Variants in ZNF516 observed in about 807,000 individuals in gnomAD.
ZNF516 encodes zinc finger protein 516.
In ZNF516, 19 loss-of-function variants were observed where a neutral mutation model predicts 79.7. The observed-to-expected ratio is 0.24, with a 90% CI of 0.17 to 0.35. The LOEUF is 0.35. ZNF516 is among the 10% of genes least tolerant of loss of function. The probability of loss-of-function intolerance (pLI) is 1.00; values close to 1 mark genes in which losing one functional copy is unlikely to be tolerated. For missense variants in ZNF516, 1,678 were observed against 1,679.5 expected, an observed-to-expected ratio of 1.00 and a Z score of 0.02; for synonymous variants, 877 against 739.5, an observed-to-expected ratio of 1.19 and a Z score of -3.02.
chr18:76,476,951 T>C (rs1914209360), intron 1 of ZNF516, among the ~76,000 whole-genome samples: 2 of 152,128 alleles, frequency 1.3e-5, no homozygotes, highest in Non-Finnish European at 2.9e-5. Flanking sequence ...TCAGGTGGAT[T>C]TGCAAAACTC....
intron 1 of ZNF516, among the ~76,000 whole-genome samples, chr18:76,482,617 T>C (rs1407490241): frequency 1.3e-5 from 2 of 152,244 alleles, no homozygotes; most frequent in Non-Finnish European, 2.9e-5. Context: ...ATTAAACGCA[T>C]TTCCGACTTA....
At position 76,379,367 on chromosome 18, in the gene ZNF516, G is replaced by A. The variant is rs370768872; in HGVS notation, c.2747C>T (p.Pro916Leu). 35 of 1,596,422 alleles carry A rather than the reference G, an allele frequency of 2.2e-5. No individual in the cohort carries two copies. Among genetic ancestry groups the A allele is most frequent in the African/African-American group, 8.1e-5 (6 of 74,324 alleles). ...GCCCCCGCCACCCGGGGCAGGCACC[G>A]GTTTGGAGCTAGCCTCCTGCCTGGG... ...AKPRQEASSKPVPAPGGGGFS... is the reference protein window; with the variant it reads ...AKPRQEASSKLVPAPGGGGFS... The change falls in exon 4 of 7, where the codon CCG becomes CTG. Residue 916 changes from proline to leucine, a missense_variant. Around this residue, in one of 5 missense-constraint regions of ZNF516, gnomAD observed 1,294 missense variants for 1,248.3 expected, o/e 1.04. Transcript: ENST00000443185.
chr18:76,492,957 C>T, intron 1 of ZNF516: 1 of 985,596 alleles, frequency 1.0e-6, no homozygotes, highest in Non-Finnish European at 1.2e-6. Flanking sequence ...AGTGTGCAGA[C>T]ACATGGGCTC....
intron 3 of ZNF516, among the ~76,000 whole-genome samples, chr18:76,395,769 G>A (rs527498270): frequency 3.9e-5 from 6 of 152,050 alleles, no homozygotes; most frequent in Admixed American, 1.3e-4. Context: ...TCCAAATGAC[G>A]GTAAGATAAA....
At chr18:76,414,000 A>G (rs2075402871) in intron 3 of ZNF516, among the ~76,000 whole-genome samples, 1 of 152,246 alleles carries the variant, frequency 6.6e-6, no homozygotes, top group South Asian at 2.1e-4. Flanking sequence ...TTAAACAAAC[A>G]TTGGAACAAA....
At chr18:76,490,919 G>T (rs1915142390) in intron 1 of ZNF516, 1 of 985,456 alleles carries the variant, frequency 1.0e-6, no homozygotes, top group African/African-American at 1.7e-5. Context: ...GCCATCCCCG[G>T]CCTCTTTACC....
chr18:76,432,067 C>T (rs2075668025), intron 3 of ZNF516, among the ~76,000 whole-genome samples: 2 of 152,330 alleles, frequency 1.3e-5, no homozygotes, highest in South Asian at 4.1e-4. Context: ...TGGAGATAGT[C>T]TCTGCAGATG....
intron 4 of ZNF516, among the ~76,000 whole-genome samples, chr18:76,374,245 T>C (rs1416863235): frequency 2.0e-5 from 3 of 152,236 alleles, no homozygotes; most frequent in South Asian, 2.1e-4. Flanking sequence ...TATTCTAAGA[T>C]TCATACTATC....
At chr18:76,392,302 A>T (rs1237580088) in intron 3 of ZNF516, among the ~76,000 whole-genome samples, 1 of 152,212 alleles carries the variant, frequency 6.6e-6, no homozygotes, top group Non-Finnish European at 1.5e-5. Flanking sequence ...GTCACTAATA[A>T]CAGGTTATAG....
intron 3 of ZNF516, among the ~76,000 whole-genome samples, chr18:76,408,368 G>A (rs117127074): frequency 1.4e-3 from 220 of 152,312 alleles, no homozygotes; most frequent in Non-Finnish European, 2.5e-3. Context: ...TGCGGCGTGC[G>A]TCTCTCCTGA....
chr18:76,384,931 A>G lies in ZNF516; in HGVS notation c.1811-4628T>C, dbSNP rs369645226. 2.5e-3 allele frequency among the ~76,000 whole-genome samples: 385 copies of G among 152,336 alleles called. 2 individuals carry two copies. The highest frequency in any genetic ancestry group is 8.2e-3 in the African/African-American group (341 of 41,584). ...GATGGCTGCCTCTAACCCTGACCGC[A>G]GTGCCGAGGGCACACACCAGAGAGG... On this transcript the variant is annotated intron_variant, in intron 3 of 6. Coordinates refer to ENST00000443185, the MANE Select transcript of ZNF516 (RefSeq NM_014643.4).
At chr18:76,421,064 C>G (rs970988962) in intron 3 of ZNF516, among the ~76,000 whole-genome samples, 1 of 152,204 alleles carries the variant, frequency 6.6e-6, no homozygotes, top group African/African-American at 2.4e-5. Flanking sequence ...TCTAACAGCT[C>G]CTGCCCTAGA....
intron 3 of ZNF516, among the ~76,000 whole-genome samples, chr18:76,410,496 C>T (rs905992024): frequency 1.3e-5 from 2 of 152,178 alleles, no homozygotes; most frequent in Non-Finnish European, 2.9e-5. Context: ...CCGAAGCTCG[C>T]GCAGTGGTTC....
chr18:76,472,196 C>A (rs1913883309), intron 1 of ZNF516, among the ~76,000 whole-genome samples: 1 of 152,240 alleles, frequency 6.6e-6, no homozygotes, highest in African/African-American at 2.4e-5. Context: ...GGCTGAGGGA[C>A]CCTCCACAAC....
At chr18:76,473,679 TAGTCCC>T (rs1164686750) in intron 1 of ZNF516, among the ~76,000 whole-genome samples, 1 of 151,688 alleles carries the variant, frequency 6.6e-6, no homozygotes, top group Non-Finnish European at 1.5e-5. Flanking sequence ...TGGGCGCCTG[TAGTCCC>T]AGCTACTTGG....
chr18:76,459,671 C>A lies in ZNF516; in HGVS notation c.-158+3357G>T, dbSNP rs1912975624. On this transcript the variant is annotated intron_variant, in intron 2 of 6. Transcript: ENST00000443185. The surrounding 1 kb of genome is among the most constrained non-coding windows in gnomAD (Gnocchi z 5.0). ...GGCCCAGCCTCCCCTGGACCTGATG[C>A]GGGGCTTCAGGAAGTGGCAGGGCAG... is the stretch of plus-strand genomic sequence containing the variant. Among the ~76,000 whole-genome samples, 1 of 152,168 alleles carries A rather than the reference C, an allele frequency of 6.6e-6. No individual in the cohort carries two copies. Among genetic ancestry groups the A allele is most frequent in the Non-Finnish European group, 1.5e-5 (1 of 68,030 alleles).
At chr18:76,473,906 G>T (rs867491860) in intron 1 of ZNF516, among the ~76,000 whole-genome samples, 6,880 of 143,636 alleles carry the variant, frequency 0.048, 789 homozygotes, top group Admixed American at 0.12. Context: ...TTTTGTGTGG[G>T]GGGGGGGGGG....
chr18:76,397,336 T>C lies in ZNF516; in HGVS notation c.1811-17033A>G, dbSNP rs187832778. On this transcript the variant is annotated intron_variant, in intron 3 of 6. Transcript: ENST00000443185. ...CTAAAGAAATGTCTTCAAGAATGAT[T>C]CTTATCATGACACATACAATGTGAA... 1.1e-4 allele frequency among the ~76,000 whole-genome samples: 17 copies of C among 152,104 alleles called. No homozygotes were observed. In the East Asian group the frequency reaches 1.9e-3, roughly 17 times the overall value.
intron 3 of ZNF516, among the ~76,000 whole-genome samples, chr18:76,413,657 G>A (rs1046580820): frequency 6.6e-5 from 10 of 152,002 alleles, no homozygotes; most frequent in African/African-American, 1.9e-4. Flanking sequence ...GGGCTGCCAC[G>A]GTTTCCTCCC....
Sources: allele counts gnomAD v4.1 joint callset (sites outside exome capture counted in the v4.1 genomes callset), GRCh38; gene constraint gnomAD v4.1.1; regional missense constraint gnomAD v4.1.1; non-coding constraint Gnocchi (gnomAD v3.1); transcripts MANE v1.5; gene names NCBI Gene and HGNC (gene_info 2026-07-23, HGNC 2026-07-21).